The following PLCB1 variants were observed in gnomAD, a reference collection of about 807,000 sequenced individuals.
The protein encoded by PLCB1 is 1-phosphatidylinositol 4,5-bisphosphate phosphodiesterase beta-1.
Under a neutral mutation model 161.8 loss-of-function variants are expected in PLCB1, and 46 were observed. The ratio of observed to expected loss-of-function variants is 0.28; its 90% CI spans 0.22 to 0.36. The LOEUF (loss-of-function observed/expected upper bound fraction) is 0.36. Ranked by LOEUF, PLCB1 falls within the 10% of genes least tolerant of loss-of-function variation. The pLI is 1.00. For synonymous variants in PLCB1, 517 were observed against 503.7 expected (o/e 1.03, Z -0.35); for missense variants, 1,016 against 1,472.5 (o/e 0.69, Z 5.07).
chr20:8,423,028 T>G (rs1001615744), intron 3 of PLCB1, among the ~76,000 whole-genome samples: 9 of 152,232 alleles, frequency 5.9e-5, no homozygotes, highest in Admixed American at 2.6e-4. Flanking sequence ...TATATACATA[T>G]TTATCAGATA....
intron 12 of PLCB1, among the ~76,000 whole-genome samples, chr20:8,710,339 C>T (rs1978930389): frequency 6.6e-6 from 1 of 152,000 alleles, no homozygotes; most frequent in Admixed American, 6.5e-5. Flanking sequence ...TGGTGTTACA[C>T]CATAAGAAAT....
chr20:8,208,282 G>A (rs939671391), intron 2 of PLCB1, among the ~76,000 whole-genome samples: 4 of 152,092 alleles, frequency 2.6e-5, no homozygotes, highest in Non-Finnish European at 5.9e-5. Flanking sequence ...ACTGGATGGA[G>A]TGATTCTTAA....
chr20:8,426,953 T>C (rs189958202), intron 3 of PLCB1, among the ~76,000 whole-genome samples: 4 of 152,310 alleles, frequency 2.6e-5, no homozygotes, highest in Non-Finnish European at 5.9e-5. Context: ...AGTCTCGTTG[T>C]GTCACCCAGG....
intron 3 of PLCB1, among the ~76,000 whole-genome samples, chr20:8,611,416 C>A (rs576399627): frequency 6.6e-6 from 1 of 152,024 alleles, no homozygotes; most frequent in African/African-American, 2.4e-5. Context: ...AAAGGGATCA[C>A]CAAAAAAGGC....
intron 15 of PLCB1, among the ~76,000 whole-genome samples, chr20:8,722,720 T>C (rs1482545433): frequency 6.6e-6 from 1 of 152,140 alleles, no homozygotes; most frequent in African/African-American, 2.4e-5. Flanking sequence ...AGCTCAAAAA[T>C]ATTAATTGCA....
intron 31 of PLCB1, among the ~76,000 whole-genome samples, chr20:8,863,845 C>G (rs1257252972): frequency 1.5e-5 from 2 of 135,094 alleles, no homozygotes; most frequent in Non-Finnish European, 3.3e-5. Context: ...AGTTGAAAAC[C>G]CTATTATACT....
At chr20:8,267,844 G>A (rs1315875704) in intron 2 of PLCB1, among the ~76,000 whole-genome samples, 1 of 151,962 alleles carries the variant, frequency 6.6e-6, no homozygotes, top group Non-Finnish European at 1.5e-5. Flanking sequence ...ATTGGCTCTA[G>A]GAGAGGACCA....
chr20:8,858,673 T>C (rs1987147789), intron 31 of PLCB1, among the ~76,000 whole-genome samples: 1 of 152,110 alleles, frequency 6.6e-6, no homozygotes, highest in South Asian at 2.1e-4. Context: ...CTTGTTTTCA[T>C]AGCTTCGAGT....
chr20:8,586,251 A>G (rs1314101046), intron 3 of PLCB1, among the ~76,000 whole-genome samples: 1 of 152,230 alleles, frequency 6.6e-6, no homozygotes, highest in Non-Finnish European at 1.5e-5. Flanking sequence ...CTTAGAGTAT[A>G]TGGTTGACTT....
intron 3 of PLCB1, among the ~76,000 whole-genome samples, chr20:8,444,252 A>G (rs539882037): frequency 1.2e-4 from 17 of 144,124 alleles, no homozygotes; most frequent in Admixed American, 1.1e-3. Flanking sequence ...AAGTTTTCTC[A>G]TTGTTCAATT....
At chr20:8,231,605 T>G (rs1980042495) in intron 2 of PLCB1, among the ~76,000 whole-genome samples, 1 of 152,222 alleles carries the variant, frequency 6.6e-6, no homozygotes, top group Non-Finnish European at 1.5e-5. Context: ...TGTTTCTTCT[T>G]TCCTTGCATC....
chr20:8,807,431 G>A (rs924424613), intron 31 of PLCB1, among the ~76,000 whole-genome samples: 40 of 151,798 alleles, frequency 2.6e-4, no homozygotes, highest in African/African-American at 6.1e-4. Context: ...TTCTTGTCAC[G>A]GAAAAAATGA....
intron 2 of PLCB1, among the ~76,000 whole-genome samples, chr20:8,290,753 C>T (rs906397005): frequency 2.0e-5 from 3 of 152,106 alleles, no homozygotes; most frequent in African/African-American, 7.2e-5. Context: ...TCCCCAGTTC[C>T]CAGCCGCTTG....
rs552098916 is a variant in PLCB1 at position 8,882,760 on chromosome 20, T to C, written c.*911T>C. ...GTGGTTATTTTGCCGTTTGACATTT[T>C]TTATGGTTCATTTATTTTTAATATA... is the stretch of plus-strand genomic sequence containing the variant. On this transcript the variant is annotated 3_prime_UTR_variant, in exon 32 of 32. Transcript: ENST00000338037. The C allele has an allele frequency of 2.0e-5, 3 of 152,392 alleles. No individual in the cohort carries two copies. The highest frequency in any genetic ancestry group is 2.0e-4 in the Admixed American group (3 of 15,306). 9.4% of individuals were successfully genotyped at this position (152,392 alleles called of 1,614,324 possible). A position where few individuals can be genotyped will look rare whatever the true frequency, so the allele number is the denominator to read the frequency against.
At chr20:8,230,980 T>A (rs907228147) in intron 2 of PLCB1, among the ~76,000 whole-genome samples, 1 of 152,100 alleles carries the variant, frequency 6.6e-6, no homozygotes. Flanking sequence ...TCACCCTCAT[T>A]GTTCCTTTAC....
rs181956417 is a variant in PLCB1 at position 8,629,166 on chromosome 20, C to T, written c.384+735C>T. The stretch of plus-strand genomic sequence containing the variant: ...TAATCCCTGGGCAGCAACTAGCCCA[C>T]CATAATCCATGTAGTAGTTACTCAG... On this transcript the variant is annotated intron_variant, in intron 4 of 31. Transcript: ENST00000338037. 1.1e-3 allele frequency among the ~76,000 whole-genome samples: 168 copies of T among 152,052 alleles called. 1 individual carries two copies. Among genetic ancestry groups the T allele is most frequent in the African/African-American group, 3.8e-3 (156 of 41,462 alleles).
intron 2 of PLCB1, among the ~76,000 whole-genome samples, chr20:8,183,445 A>G (rs892791537): frequency 6.6e-6 from 1 of 152,136 alleles, no homozygotes; most frequent in Admixed American, 6.6e-5. Context: ...TTTTTTTCCA[A>G]TGCATTTGAT....
In PLCB1 at chr20:8,370,551, C is replaced by T. The variant is rs942112113; in HGVS notation, c.178-831C>T. Among the ~76,000 whole-genome samples the T allele has an allele frequency of 4.6e-5, 7 of 152,260 alleles. No homozygotes were observed. In the East Asian group the frequency reaches 1.2e-3, roughly 25 times the overall value. ...GAACACCTCAAGGTTCAGCCAAAAC[C>T]TCTGGCCCTTTCTCATCTAGGCATT... On this transcript the variant is annotated intron_variant, in intron 2 of 31. Coordinates refer to ENST00000338037, the MANE Select transcript of PLCB1 (RefSeq NM_015192.4).
At chr20:8,695,821 T>C (rs1990572903) in intron 10 of PLCB1, among the ~76,000 whole-genome samples, 1 of 152,210 alleles carries the variant, frequency 6.6e-6, no homozygotes, top group African/African-American at 2.4e-5. Context: ...GCAAGAGCTA[T>C]TTATTATTAC....
Sources: allele counts gnomAD v4.1 joint callset (sites outside exome capture counted in the v4.1 genomes callset), GRCh38; gene constraint gnomAD v4.1.1; transcripts MANE v1.5; gene names NCBI Gene and HGNC (gene_info 2026-07-23, HGNC 2026-07-21).